WNT7A: variants seen among roughly 807,000 people sequenced by gnomAD.
WNT7A encodes the protein protein Wnt-7a.
A neutral mutation model predicts 28.2 loss-of-function variants in WNT7A; 16 were observed. The ratio of observed to expected loss-of-function variants is 0.57; its 90% confidence interval spans 0.38 to 0.86. WNT7A has a LOEUF of 0.86. Among genes scored for constraint, WNT7A ranks in the 40% least tolerant of loss-of-function variants. WNT7A has a pLI of 0.00. For missense variants in WNT7A, 411 were observed against 489.7 expected (o/e 0.84, Z 1.52); for synonymous variants, 190 against 195.9 (o/e 0.97, Z 0.25).
Position 13,818,886 on chromosome 3 carries a change from A to C in WNT7A, c.*58T>G. The C allele has an allele frequency of 2.0e-6, 3 of 1,521,260 alleles. No homozygotes were observed. The highest frequency in any genetic ancestry group is 2.7e-6 in the Non-Finnish European group (3 of 1,131,760). 94.2% of individuals were successfully genotyped at this position (1,521,260 alleles called of 1,614,324 possible). On this transcript the variant is annotated 3_prime_UTR_variant, in exon 4 of 4. Transcript: ENST00000285018. ...CTGCCAGGGAGCCCGCAGCTTGGAAACGGTCCAGTCCTCCCAGCAATCTGA... is the reference window on the plus strand; with the variant it reads ...CTGCCAGGGAGCCCGCAGCTTGGAACCGGTCCAGTCCTCCCAGCAATCTGA...
intron 2 of WNT7A, among the ~76,000 whole-genome samples, chr3:13,860,172 A>C (rs1694805542): frequency 6.6e-6 from 1 of 152,158 alleles, no homozygotes; most frequent in Admixed American, 6.5e-5. Context: ...AACATTCCCC[A>C]GTGTAGATGT....
chr3:13,877,973 T>A (rs1695134740), intron 1 of WNT7A, among the ~76,000 whole-genome samples: 1 of 152,200 alleles, frequency 6.6e-6, no homozygotes, highest in South Asian at 2.1e-4. Context: ...ACTTCACCCC[T>A]CATGTCCACT....
chr3:13,843,937 G>T (rs1694500744), intron 3 of WNT7A, among the ~76,000 whole-genome samples: 1 of 152,052 alleles, frequency 6.6e-6, no homozygotes, highest in South Asian at 2.1e-4. Flanking sequence ...AGTAGAGATG[G>T]GTTTCTCCAT....
At chr3:13,857,483 G>A (rs1035424924) in intron 2 of WNT7A, among the ~76,000 whole-genome samples, 5 of 152,174 alleles carry the variant, frequency 3.3e-5, no homozygotes, top group African/African-American at 1.2e-4. Flanking sequence ...GCCAGCGCAG[G>A]AGGTGGGCAG....
intron 3 of WNT7A, among the ~76,000 whole-genome samples, chr3:13,829,252 T>C (rs942246388): frequency 6.6e-6 from 1 of 152,160 alleles, no homozygotes; most frequent in African/African-American, 2.4e-5. Context: ...AGAAACCATA[T>C]CCAGATTTTT....
rs145662475 is a variant in WNT7A, at chr3:13,849,566, G to A, written c.570+4966C>T. 4.6e-5 allele frequency among the ~76,000 whole-genome samples: 7 copies of A among 152,232 alleles called. No individual in the cohort carries two copies. The East Asian group carries it at 1.4e-3, about 29-fold the overall frequency. Reference sequence around the variant, plus strand: ...TGTTCTAGGTTTAGGGGTGAACTTAGGCCATCACTACCCTGTGGTGCTGAC... The same window carrying A: ...TGTTCTAGGTTTAGGGGTGAACTTAAGCCATCACTACCCTGTGGTGCTGAC... On this transcript the variant is annotated intron_variant, in intron 3 of 3. Coordinates refer to ENST00000285018, the MANE Select transcript of WNT7A (RefSeq NM_004625.4).
chr3:13,819,311 AG>A lies in WNT7A; in HGVS notation c.682del (p.Leu228SerfsTer25), dbSNP rs1174567428. 1 of 1,613,484 alleles carries A rather than the reference AG, an allele frequency of 6.2e-7. No individual in the cohort carries two copies. The highest frequency in any genetic ancestry group is 8.5e-7 in the Non-Finnish European group (1 of 1,179,650). ...LPQFRELGYV[L>X]KDKYNEAVHV... is the part of the protein sequence containing the mutation. ...AACGGCCTCGTTGTACTTGTCCTTG[AG>A]CACGTAGCCCAGCTCCCGAAACTGT... On this transcript the variant is annotated frameshift_variant, in exon 4 of 4. Transcript: ENST00000285018. LOFTEE classifies it high-confidence loss of function.
At chr3:13,849,864 G>C (rs12493660) in intron 3 of WNT7A, among the ~76,000 whole-genome samples, 9,739 of 152,308 alleles carry the variant, frequency 0.064, 433 homozygotes, top group Non-Finnish European at 0.093. Flanking sequence ...GAACAAGCTT[G>C]GTTGACTGCA....
At chr3:13,827,913 C>T (rs1694222527) in intron 3 of WNT7A, among the ~76,000 whole-genome samples, 1 of 152,166 alleles carries the variant, frequency 6.6e-6, no homozygotes, top group Non-Finnish European at 1.5e-5. Flanking sequence ...TTCATCTCCG[C>T]AGGCCCAGCC....
chr3:13,836,718 G>A (rs1380216307), intron 3 of WNT7A, among the ~76,000 whole-genome samples: 1 of 152,210 alleles, frequency 6.6e-6, no homozygotes, highest in Non-Finnish European at 1.5e-5. Flanking sequence ...CAAAATAAAG[G>A]CCTGTATGTA....
intron 3 of WNT7A, among the ~76,000 whole-genome samples, chr3:13,821,297 C>A (rs78083697): frequency 6.6e-6 from 1 of 152,200 alleles, no homozygotes; most frequent in Non-Finnish European, 1.5e-5. Context: ...GCATATGGAG[C>A]ACCTGGAGCC....
Position 13,865,319 on chromosome 3 carries a change from G to A in WNT7A, c.298+9628C>T, listed in dbSNP as rs1000496442. Among the ~76,000 whole-genome samples the A allele has an allele frequency of 1.4e-4, 21 of 152,248 alleles. 1 individual carries two copies. The highest frequency in any genetic ancestry group is 7.8e-4 in the Admixed American group (12 of 15,300). ...TCCAAGGGAATGTCCTTTTCTCCCC[G>A]GGGCAGCTGGCAGTAGGCGGCAGGT... is the stretch of plus-strand genomic sequence containing the variant. On this transcript the variant is annotated intron_variant, in intron 2 of 3. Transcript: ENST00000285018.
At chr3:13,854,441 C>T in intron 3 of WNT7A, 91 bp downstream of exon 3, 1 of 1,600,386 alleles carries the variant, frequency 6.2e-7, no homozygotes, top group Non-Finnish European at 8.5e-7. Flanking sequence ...CCCTGTGGCT[C>T]CTCAACAGAC....
At chr3:13,825,946 A>C (rs1694187343) in intron 3 of WNT7A, among the ~76,000 whole-genome samples, 1 of 151,416 alleles carries the variant, frequency 6.6e-6, no homozygotes, top group Non-Finnish European at 1.5e-5. Flanking sequence ...CACCGGCCAC[A>C]CTCCTCGGGC....
chr3:13,879,888 A>T lies in WNT7A; in HGVS notation c.-72T>A. On this transcript the variant is annotated 5_prime_UTR_variant, in exon 1 of 4. The change creates a premature stop within an existing upstream ORF in the 5' untranslated region. Coordinates refer to ENST00000285018, the MANE Select transcript of WNT7A (RefSeq NM_004625.4). ...GCGGGCCGGCCCCGGCGGGGCAATC[A>T]ACATAGCCCGCCCGGGAGGCGCGAG... 3.1e-6 allele frequency: 4 copies of T among 1,274,416 alleles called. No homozygotes were observed. Among genetic ancestry groups the T allele is most frequent in the Non-Finnish European group, 4.1e-6 (4 of 980,202 alleles). The allele number at this position is 1,274,416 out of a possible 1,614,324, so 78.9% of individuals were successfully genotyped here.
intron 2 of WNT7A, chr3:13,863,637 AT>A (rs1302118826): frequency 6.6e-6 from 1 of 152,228 alleles, no homozygotes; most frequent in African/African-American, 2.4e-5. Context: ...TGTTAGCTGC[AT>A]TCTAAGCAAG....
intron 1 of WNT7A, chr3:13,876,950 T>G (rs13433727): frequency 0.11 from 16,399 of 152,234 alleles, 1,777 homozygotes; most frequent in African/African-American, 0.26. Flanking sequence ...CATGTCTGTG[T>G]TTTTAATTTG....
At chr3:13,833,530 G>A (rs1694315784) in intron 3 of WNT7A, among the ~76,000 whole-genome samples, 1 of 152,214 alleles carries the variant, frequency 6.6e-6, no homozygotes, top group African/African-American at 2.4e-5. Context: ...AGGTGGAATA[G>A]TCGAGCCCCA....
At chr3:13,868,673 A>G (rs1575074164) in intron 2 of WNT7A, among the ~76,000 whole-genome samples, 1 of 17,502 alleles carries the variant, frequency 5.7e-5, no homozygotes, top group Non-Finnish European at 1.0e-4. Flanking sequence ...GGAGTGGGAG[A>G]GAGGGGGAGA....
Sources: allele counts gnomAD v4.1 joint callset (sites outside exome capture counted in the v4.1 genomes callset), GRCh38; gene constraint gnomAD v4.1.1; transcripts MANE v1.5; gene names NCBI Gene and HGNC (gene_info 2026-07-23, HGNC 2026-07-21).